FAM199X: variants seen among roughly 807,000 people sequenced by gnomAD.
The protein encoded by FAM199X is family with sequence similarity 199, X-linked.
A neutral mutation model predicts 22.9 loss-of-function variants in FAM199X; 4 were observed. The ratio of observed to expected loss-of-function variants is 0.17; its 90% CI spans 0.09 to 0.40. The LOEUF is 0.40. Ranked by LOEUF, FAM199X falls within the 10% of genes least tolerant of loss-of-function variation. The pLI, the probability that FAM199X is intolerant of heterozygous loss-of-function variation, is 1.00. For missense variants in FAM199X, 183 were observed against 306.8 expected (o/e 0.60, Z 3.01); for synonymous variants, 101 against 112.3 (o/e 0.90, Z 0.64).
At chrX:104,174,990 C>T (rs1483381483) in intron 1 of FAM199X, among the ~76,000 whole-genome samples, 1 of 111,060 alleles carries the variant, frequency 9.0e-6, no homozygotes, top group Non-Finnish European at 1.9e-5. Flanking sequence ...TTTCTCTGCC[C>T]TGCAATGGCC....
At chrX:104,179,705 C>A (rs1556377360) in intron 2 of FAM199X, among the ~76,000 whole-genome samples, 1 of 111,091 alleles carries the variant, frequency 9.0e-6, no homozygotes, top group Non-Finnish European at 1.9e-5. Flanking sequence ...AGTGAGCATC[C>A]TTGTCTTTTT....
intron 4 of FAM199X, among the ~76,000 whole-genome samples, chrX:104,187,735 TGTTA>T (rs1475343175): frequency 8.9e-6 from 1 of 111,877 alleles, no homozygotes; most frequent in African/African-American, 3.2e-5. Context: ...TTTATTTTAT[TGTTA>T]GTTTGTATTT....
rs1425172044 is a variant in FAM199X at position 104,194,723 on chromosome X, A to T, written c.*4945A>T. 3 of 111,994 alleles carry T rather than the reference A, an allele frequency of 2.7e-5. No homozygotes were observed. Among genetic ancestry groups the T allele is most frequent in the African/African-American group, 9.7e-5 (3 of 30,934 alleles). The allele number at this position is 111,994 out of a possible 1,213,427, so 9.2% of individuals were successfully genotyped here. A position where few individuals can be genotyped will look rare whatever the true frequency, so the allele number is the denominator to read the frequency against. On this transcript the variant is annotated 3_prime_UTR_variant, in exon 6 of 6. Coordinates refer to ENST00000493442, the MANE Select transcript of FAM199X (RefSeq NM_207318.4). ...CAAGTATATGCAAAACAATTCACAT[A>T]TGGGTAAAAATTTCAAATTGTGGGT...
chrX:104,167,711 T>G (rs1201731271), intron 1 of FAM199X, among the ~76,000 whole-genome samples: 1 of 111,390 alleles, frequency 9.0e-6, no homozygotes, highest in East Asian at 2.8e-4. Flanking sequence ...TGGACTGACT[T>G]ACACAAATTT....
chrX:104,167,526 T>TA (rs1569466371), intron 1 of FAM199X, among the ~76,000 whole-genome samples: 1 of 110,026 alleles, frequency 9.1e-6, no homozygotes, highest in Non-Finnish European at 1.9e-5. Context: ...TTTTTTTTTT[T>TA]AGTTGAGCGC....
the FAM199X span, among the ~76,000 whole-genome samples, chrX:104,158,833 TC>T: frequency 1.8e-5 from 2 of 111,554 alleles, no homozygotes; most frequent in Non-Finnish European, 3.8e-5. Context: ...CACTGCCTTG[TC>T]CCTACCTCTG....
the FAM199X span, among the ~76,000 whole-genome samples, chrX:104,161,302 G>T: frequency 8.9e-6 from 1 of 111,958 alleles, no homozygotes; most frequent in East Asian, 2.8e-4. Flanking sequence ...AAGTCTCATG[G>T]AGTATTTTAG....
At chrX:104,179,579 A>C (rs1363613176) in intron 2 of FAM199X, among the ~76,000 whole-genome samples, 2 of 111,736 alleles carry the variant, frequency 1.8e-5, no homozygotes, top group East Asian at 5.6e-4. Context: ...ATTTAAGATC[A>C]TGTCATCTGT....
chrX:104,162,310 A>C (rs908185513), upstream of FAM199X, among the ~76,000 whole-genome samples: 4 of 111,723 alleles, frequency 3.6e-5, no homozygotes, highest in Non-Finnish European at 5.6e-5. Context: ...TTGGCTCTCT[A>C]TTTTAAATTT....
At chrX:104,159,698 A>C in the FAM199X span, among the ~76,000 whole-genome samples, 1 of 112,023 alleles carries the variant, frequency 8.9e-6, no homozygotes, top group South Asian at 3.6e-4. Flanking sequence ...CAAGGCAGAT[A>C]GATCCATCCC....
chrX:104,166,645 C>T lies in FAM199X; in HGVS notation c.-141C>T. ...CGCACCCCGGCAAGCAGCAGCGGGC[C>T]GCGACGCCCAGCCTGCCAGTGAGCT... On this transcript the variant is annotated 5_prime_UTR_variant, in exon 1 of 6. Coordinates refer to ENST00000493442, the MANE Select transcript of FAM199X (RefSeq NM_207318.4). The T allele has an allele frequency of 1.9e-6, 1 of 519,126 alleles. No individual in the cohort carries two copies. The highest frequency in any genetic ancestry group is 2.9e-6 in the Non-Finnish European group (1 of 339,718). The allele number at this position is 519,126 out of a possible 1,213,427, so 42.8% of individuals were successfully genotyped here.
chrX:104,163,119 C>T (rs1033968580), upstream of FAM199X, among the ~76,000 whole-genome samples: 11 of 109,755 alleles, frequency 1.0e-4, no homozygotes, highest in African/African-American at 3.0e-4. Flanking sequence ...CACACACACA[C>T]ACACACACAC....
In FAM199X at chrX:104,189,809, G is replaced by A; in HGVS notation, c.*31G>A. On this transcript the variant is annotated 3_prime_UTR_variant, in exon 6 of 6. Transcript: ENST00000493442. Reference sequence around the variant, plus strand: ...GTGAATTTATCAACGTTCTTTGTGAGCATTAAAATACTCCATCCTTATGGG... The same window carrying A: ...GTGAATTTATCAACGTTCTTTGTGAACATTAAAATACTCCATCCTTATGGG... The A allele has an allele frequency of 8.3e-7, 1 of 1,197,676 alleles. No homozygotes were observed. The highest frequency in any genetic ancestry group is 1.1e-6 in the Non-Finnish European group (1 of 886,936).
rs1921200579 is a variant in FAM199X at position 104,166,695 on chromosome X, G to C, written c.-91G>C. ...TGCGACGGGCACACCCCGGAGCGTC[G>C]GCGACTGCGGACAGGTTAGAGTGGG... On this transcript the variant is annotated 5_prime_UTR_variant, in exon 1 of 6. Transcript: ENST00000493442. 2.4e-6 allele frequency: 2 copies of C among 833,007 alleles called. No individual in the cohort carries two copies. Among genetic ancestry groups the C allele is most frequent in the Non-Finnish European group, 3.3e-6 (2 of 609,239 alleles). 68.6% of individuals were successfully genotyped at this position (833,007 alleles called of 1,213,427 possible).
At position 104,192,345 on chromosome X, in the gene FAM199X, A is replaced by C. The variant is rs192521756; in HGVS notation, c.*2567A>C. On this transcript the variant is annotated 3_prime_UTR_variant, in exon 6 of 6. Coordinates refer to ENST00000493442, the MANE Select transcript of FAM199X (RefSeq NM_207318.4). ...TTATTTTTAAATACAAATCCTAACT[A>C]ACCAATTAATTAATAAAAAGGCAAG... is the stretch of plus-strand genomic sequence containing the variant. 8.9e-6 allele frequency: 1 copy of C among 112,024 alleles called. No homozygotes were observed. Among genetic ancestry groups the C allele is most frequent in the Non-Finnish European group, 1.9e-5 (1 of 53,020 alleles). 9.2% of individuals were successfully genotyped at this position (112,024 alleles called of 1,213,427 possible).
intron 1 of FAM199X, among the ~76,000 whole-genome samples, chrX:104,170,516 A>C (rs1556375174): frequency 8.9e-6 from 1 of 112,123 alleles, no homozygotes; most frequent in Non-Finnish European, 1.9e-5. Flanking sequence ...CAATAAATTT[A>C]GCAGGGAAAG....
At chrX:104,178,419 G>T (rs782194104) in intron 2 of FAM199X, among the ~76,000 whole-genome samples, 2 of 110,959 alleles carry the variant, frequency 1.8e-5, no homozygotes, top group Non-Finnish European at 3.8e-5. Context: ...TGCCTGCCTC[G>T]GCCTCCCAAA....
intron 2 of FAM199X, among the ~76,000 whole-genome samples, chrX:104,181,616 G>A (rs7066029): frequency 0.047 from 5,207 of 111,841 alleles, 263 homozygotes; most frequent in African/African-American, 0.16. Context: ...TGCTTCTCCC[G>A]TTATCACTAC....
the FAM199X span, among the ~76,000 whole-genome samples, chrX:104,158,726 C>T: frequency 8.9e-6 from 1 of 112,023 alleles, no homozygotes; most frequent in Admixed American, 9.5e-5. Flanking sequence ...AACTTATCAT[C>T]AGGCAGTCCA....
Sources: allele counts gnomAD v4.1 joint callset (sites outside exome capture counted in the v4.1 genomes callset), GRCh38; gene constraint gnomAD v4.1.1; transcripts MANE v1.5; gene names NCBI Gene and HGNC (gene_info 2026-07-23, HGNC 2026-07-21).